Variants in STXBP2 observed in about 807,000 individuals in gnomAD.
The protein encoded by STXBP2 is syntaxin-binding protein 2.
Under a neutral mutation model 72.2 loss-of-function variants are expected in STXBP2, and 47 were observed. The ratio of observed to expected loss-of-function variants is 0.65; its 90% confidence interval spans 0.51 to 0.83. STXBP2 has a LOEUF of 0.83. Ranked by LOEUF, STXBP2 falls within the 40% of genes least tolerant of loss-of-function variation. STXBP2 has a pLI of 0.00. For missense variants in STXBP2, 702 were observed against 807.6 expected, an observed-to-expected ratio of 0.87 and a Z score of 1.58; for synonymous variants, 367 against 338.7, an observed-to-expected ratio of 1.08 and a Z score of -0.92.
intron 2 of STXBP2, 45 bp downstream of exon 2, chr19:7,638,820 T>G: frequency 6.2e-7 from 1 of 1,612,528 alleles, no homozygotes; most frequent in Non-Finnish European, 8.5e-7. Flanking sequence ...CAGCTCATCA[T>G]CAGGCCTATG....
At chr19:7,631,407 GGT>G in the STXBP2 span, 64,713 of 791,698 alleles carry the variant, frequency 0.082, 143 homozygotes, top group Non-Finnish European at 0.094. Context: ...GGCGGGGGGG[GGT>G]GGTCCCGGCT....
chr19:7,640,238 G>A, intron 4 of STXBP2: 1 of 548,532 alleles, frequency 1.8e-6, no homozygotes, highest in South Asian at 1.5e-5. Context: ...GTGCGTCTGT[G>A]TGTATCTGTG....
chr19:7,630,501 T>TC, the STXBP2 span: 1 of 1,243,338 alleles, frequency 8.0e-7, no homozygotes. Context: ...GTAGGATGGG[T>TC]CCCCCAGGCT....
intron 4 of STXBP2, chr19:7,640,346 G>C: frequency 1.9e-6 from 1 of 532,884 alleles, no homozygotes; most frequent in South Asian, 1.6e-5. Flanking sequence ...GTGTGTGTAT[G>C]CGTCTGTGCA....
At chr19:7,647,276 G>A (rs1251010037) in intron 17 of STXBP2, 29 bp downstream of exon 17, 7 of 1,610,596 alleles carry the variant, frequency 4.3e-6, no homozygotes, top group African/African-American at 2.7e-5. Context: ...CCCCGCCCAC[G>A]CCTGGGTCTG....
intron 2 of STXBP2, 50 bp from the exon 3 acceptor site, chr19:7,638,968 TG>T: frequency 6.2e-7 from 1 of 1,607,868 alleles, no homozygotes; most frequent in South Asian, 1.1e-5. Context: ...TGGGGCCAGC[TG>T]TGGCCTCTTC....
the STXBP2 span, chr19:7,630,775 G>A: frequency 3.3e-6 from 5 of 1,537,146 alleles, no homozygotes; most frequent in Non-Finnish European, 4.4e-6. Context: ...CTGATGTGGG[G>A]CTCTGGAGGC....
intron 1 of STXBP2, among the ~76,000 whole-genome samples, chr19:7,637,857 C>T (rs777895633): frequency 1.1e-4 from 17 of 152,232 alleles, no homozygotes; most frequent in Non-Finnish European, 2.4e-4. Context: ...CGTTACTTCT[C>T]TCCACTCTCT....
chr19:7,633,778 T>C, upstream of STXBP2: 1 of 379,780 alleles, frequency 2.6e-6, no homozygotes, highest in Non-Finnish European at 4.8e-6. Flanking sequence ...TCCCCACAGT[T>C]GGAGAAGGGA....
chr19:7,640,038 C>A, intron 4 of STXBP2: 1 of 644,044 alleles, frequency 1.6e-6, no homozygotes, highest in Non-Finnish European at 2.8e-6. Context: ...GTGTGTGCGT[C>A]TGTGTGTGCA....
At chr19:7,632,876 C>T, upstream of STXBP2, 1 of 1,533,240 alleles carries the variant, frequency 6.5e-7, no homozygotes, top group Non-Finnish European at 8.8e-7. The surrounding 1 kb of genome is among the most constrained non-coding windows in gnomAD (Gnocchi z 5.2). Flanking sequence ...AGCTTGGGGG[C>T]CCCTCCCCAA....
rs754260863 is a variant in STXBP2 at position 7,646,326 on chromosome 19, C to A, written c.1434C>A (p.Val478=). The A allele has an allele frequency of 6.2e-7, 1 of 1,609,898 alleles. No individual in the cohort carries two copies. The highest frequency in any genetic ancestry group is 1.1e-5 in the South Asian group (1 of 90,086). ...ATCAGCTGTCCCGCTGGACCCCGGT[C>A]ATCAAGGATGTAATGGAGGTACTGG... The part of the protein sequence containing the change: ...PTYQLSRWTP[V]IKDVMEDAVE... Residue 478 remains valine, a synonymous_variant, in exon 16 of 19, where the codon GTC becomes GTA. Transcript: ENST00000221283.
Position 7,647,821 on chromosome 19 carries a change from C to T in STXBP2, c.*11C>T, listed in dbSNP as rs776389886. On this transcript the variant is annotated 3_prime_UTR_variant, in exon 19 of 19. Transcript: ENST00000221283. Reference sequence around the variant, plus strand: ...ATTGCCCTGCCCTGACCCCTGGCCCCGCCCCCTACCCCTCCCTTTCCAGAG... The same window carrying T: ...ATTGCCCTGCCCTGACCCCTGGCCCTGCCCCCTACCCCTCCCTTTCCAGAG... 8 of 1,603,364 alleles carry T rather than the reference C, an allele frequency of 5.0e-6. No individual in the cohort carries two copies. The highest frequency in any genetic ancestry group is 1.7e-4 in the Middle Eastern group (1 of 5,994).
intron 1 of STXBP2, 49 bp from the exon 2 acceptor site, chr19:7,638,666 TTGGGGCAGTGG>T (rs2031663481): frequency 6.3e-7 from 1 of 1,590,582 alleles, no homozygotes; most frequent in African/African-American, 1.3e-5. Flanking sequence ...CTGAGAAGGC[TTGGGGCAGTGG>T]TGGGACCAGA....
At chr19:7,645,124 C>T in intron 14 of STXBP2, 73 bp from the exon 15 acceptor site, 1 of 1,504,390 alleles carries the variant, frequency 6.6e-7, no homozygotes, top group Non-Finnish European at 9.0e-7. Context: ...AGCTCCTCAG[C>T]CCACCCCAAA....
the STXBP2 span, chr19:7,631,306 CCA>C: frequency 7.1e-7 from 1 of 1,408,952 alleles, no homozygotes. Flanking sequence ...GAAGCGGATC[CCA>C]CGCGGACCCC....
chr19:7,637,291 C>T, intron 1 of STXBP2, 105 bp downstream of exon 1: 2 of 1,133,634 alleles, frequency 1.8e-6, no homozygotes, highest in Middle Eastern at 2.5e-4. Flanking sequence ...GAGTTGGGGG[C>T]CGGGCTGGGC....
intron 6 of STXBP2, 57 bp downstream of exon 6, chr19:7,641,060 G>C: frequency 1.3e-6 from 2 of 1,571,708 alleles, no homozygotes; most frequent in Non-Finnish European, 1.7e-6. Flanking sequence ...AATGTCCCCT[G>C]TTCCCTCAGA....
chr19:7,641,710 C>T lies in STXBP2; in HGVS notation c.435C>T (p.Phe145=), dbSNP rs1365906729. ...TCTGTCCCCTCCTCGCCCAGGTGTT[C>T]TCCCTCGATGCTCCCCACAGCACCT... ...LAFLPYEAQV[F]SLDAPHSTYN... The change falls in exon 7 of 19, where the codon TTC becomes TTT. Residue 145 remains phenylalanine, a synonymous_variant. Coordinates refer to ENST00000221283, the MANE Select transcript of STXBP2 (RefSeq NM_006949.4). The T allele has an allele frequency of 6.4e-7, 1 of 1,553,858 alleles. No individual in the cohort carries two copies.
Sources: gnomAD v4.1 joint callset for allele counts (sites outside exome capture counted in the v4.1 genomes callset) on GRCh38, gnomAD v4.1.1 for gene constraint, Gnocchi (gnomAD v3.1) non-coding constraint, MANE v1.5 for transcripts, NCBI Gene and HGNC (gene_info 2026-07-23, HGNC 2026-07-21) for gene names.